The following APLF variants were observed in gnomAD, a reference collection of about 807,000 sequenced individuals.
APLF encodes the protein aprataxin and PNK-like factor.
In APLF, 61 loss-of-function variants were observed where a neutral mutation model predicts 55.6. The ratio of observed to expected loss-of-function variants is 1.10; its 90% CI spans 0.89 to 1.36. APLF has a LOEUF of 1.36. Ranked by LOEUF, APLF falls within the 40% of genes most tolerant of loss-of-function variation. The probability of loss-of-function intolerance (pLI) is 0.00; values close to 1 mark genes in which losing one functional copy is unlikely to be tolerated. For synonymous variants in APLF, 207 were observed against 214.8 expected, an observed-to-expected ratio of 0.96 and a Z score of 0.32; for missense variants, 611 against 602.5, an observed-to-expected ratio of 1.01 and a Z score of -0.15.
chr2:68,562,432 T>A (rs1257164566), intron 8 of APLF, among the ~76,000 whole-genome samples: 3 of 152,016 alleles, frequency 2.0e-5, no homozygotes, highest in African/African-American at 7.2e-5. Context: ...TTAAAAAGTT[T>A]AAGAAAAATC....
intron 8 of APLF, among the ~76,000 whole-genome samples, chr2:68,547,461 A>C (rs1424659224): frequency 1.3e-5 from 2 of 151,838 alleles, no homozygotes; most frequent in Non-Finnish European, 3.0e-5. Flanking sequence ...AGGATGTGTT[A>C]TACTTTATAG....
At chr2:68,519,026 T>TATATTATTAATATATAATA (rs2103969887) in intron 5 of APLF, among the ~76,000 whole-genome samples, 1 of 124,922 alleles carries the variant, frequency 8.0e-6, no homozygotes, top group South Asian at 2.2e-4. Flanking sequence ...TAATATATAA[T>TATATTATTAATATATAATA]ATATGATTAA....
intron 2 of APLF, among the ~76,000 whole-genome samples, chr2:68,500,998 A>G (rs535283666): frequency 6.6e-6 from 1 of 152,334 alleles, no homozygotes; most frequent in African/African-American, 2.4e-5. Flanking sequence ...TAAAAATCAA[A>G]CATTCACTAC....
intron 9 of APLF, chr2:68,568,248 C>T (rs375779515): frequency 6.1e-5 from 60 of 984,442 alleles, no homozygotes; most frequent in East Asian, 3.4e-4. Flanking sequence ...GCTGATTCAG[C>T]GCATAATATT....
At chr2:68,491,969 AT>A (rs1676377434) in intron 2 of APLF, among the ~76,000 whole-genome samples, 2 of 152,322 alleles carry the variant, frequency 1.3e-5, no homozygotes, top group African/African-American at 4.8e-5. Context: ...ATGGCATTAA[AT>A]TTTTTTATAT....
intron 2 of APLF, among the ~76,000 whole-genome samples, chr2:68,500,236 A>G (rs1676679511): frequency 6.6e-6 from 1 of 152,216 alleles, no homozygotes; most frequent in Admixed American, 6.5e-5. Context: ...AGGATCAAAC[A>G]TTAGACTTGA....
chr2:68,571,579 A>G (rs1257312432), intron 9 of APLF, among the ~76,000 whole-genome samples: 1 of 152,036 alleles, frequency 6.6e-6, no homozygotes, highest in Non-Finnish European at 1.5e-5. Context: ...TGTTTTTCTC[A>G]GGTTTGTCAA....
chr2:68,517,876 A>G (rs1040190150), intron 5 of APLF, among the ~76,000 whole-genome samples: 1 of 144,522 alleles, frequency 6.9e-6, no homozygotes, highest in Non-Finnish European at 1.5e-5. Flanking sequence ...TATAGCAGTA[A>G]TATATCACTA....
intron 6 of APLF, among the ~76,000 whole-genome samples, chr2:68,532,806 T>C (rs1183166592): frequency 6.6e-6 from 1 of 151,678 alleles, no homozygotes; most frequent in East Asian, 1.9e-4. Flanking sequence ...TTGAGTGTTT[T>C]TATCTCCTCT....
intron 8 of APLF, among the ~76,000 whole-genome samples, chr2:68,548,202 A>G (rs749722946): frequency 4.6e-5 from 7 of 151,884 alleles, no homozygotes; most frequent in Non-Finnish European, 7.4e-5. Flanking sequence ...ATTATTTTCT[A>G]AAACAAGAAA....
chr2:68,518,565 AATAT>A (rs1669742965), intron 5 of APLF, among the ~76,000 whole-genome samples: 1 of 121,498 alleles, frequency 8.2e-6, no homozygotes, highest in Non-Finnish European at 1.6e-5. Flanking sequence ...ATGTATCATG[AATAT>A]ATAATATATC....
chr2:68,509,363 T>A (rs949615966), intron 3 of APLF, among the ~76,000 whole-genome samples: 6 of 151,672 alleles, frequency 4.0e-5, no homozygotes, highest in African/African-American at 1.2e-4. Flanking sequence ...AAGAACTCAA[T>A]CAAATTTATA....
intron 8 of APLF, among the ~76,000 whole-genome samples, chr2:68,564,765 A>AT: frequency 6.6e-6 from 1 of 152,018 alleles, no homozygotes; most frequent in East Asian, 1.9e-4. Flanking sequence ...ACTTTCAATC[A>AT]TAGCATTTCT....
chr2:68,578,009 TGAAAA>T lies in APLF; in HGVS notation c.1529_1533del (p.Arg510IlefsTer39). The T allele has an allele frequency of 3.7e-6, 6 of 1,612,364 alleles. No homozygotes were observed. The highest frequency in any genetic ancestry group is 5.1e-6 in the Non-Finnish European group (6 of 1,179,280). ...CTTTTGAAAGAAGCAAAAAGGTTTA[TGAAAA>T]GAAAATAGTAACTAACTTCTGTAGT... On this transcript the variant is annotated frameshift_variant, in exon 10 of 10. Coordinates refer to ENST00000303795, the MANE Select transcript of APLF (RefSeq NM_173545.3). LOFTEE classifies it high-confidence loss of function.
At chr2:68,550,915 T>A (rs1474166606) in intron 8 of APLF, among the ~76,000 whole-genome samples, 1 of 152,200 alleles carries the variant, frequency 6.6e-6, no homozygotes, top group Non-Finnish European at 1.5e-5. Context: ...GCATCAACAT[T>A]CCCTTTATTT....
At chr2:68,488,256 G>A (rs533879831) in intron 1 of APLF, among the ~76,000 whole-genome samples, 25 of 151,772 alleles carry the variant, frequency 1.6e-4, no homozygotes, top group East Asian at 5.8e-4. Flanking sequence ...ACTCTCAGCC[G>A]CATTTTTTGA....
chr2:68,468,410 A>G (rs1675501899), intron 1 of APLF, among the ~76,000 whole-genome samples: 1 of 152,182 alleles, frequency 6.6e-6, no homozygotes, highest in African/African-American at 2.4e-5. Flanking sequence ...TAATGTGTAT[A>G]GCGTTCGTGT....
At chr2:68,537,052 C>G (rs902772897) in intron 6 of APLF, among the ~76,000 whole-genome samples, 1 of 151,810 alleles carries the variant, frequency 6.6e-6, no homozygotes, top group Non-Finnish European at 1.5e-5. Context: ...GTAATCCCAG[C>G]TACTCGGGAG....
At chr2:68,551,508 G>T (rs1315567999) in intron 8 of APLF, among the ~76,000 whole-genome samples, 1 of 150,630 alleles carries the variant, frequency 6.6e-6, no homozygotes, top group African/African-American at 2.4e-5. Context: ...TGTCCCACAT[G>T]TTTCTTCTAG....
Sources: allele counts gnomAD v4.1 joint callset (sites outside exome capture counted in the v4.1 genomes callset), GRCh38; gene constraint gnomAD v4.1.1; transcripts MANE v1.5; gene names NCBI Gene and HGNC (gene_info 2026-07-23, HGNC 2026-07-21).